Variants in LCE4A observed in about 807,000 individuals in gnomAD.
LCE4A encodes late cornified envelope protein 4A.
For missense variants in LCE4A, 110 were observed against 111.3 expected (o/e 0.99, Z 0.05); for synonymous variants, 41 against 42.3 (o/e 0.97, Z 0.12).
At chr1:152,709,014 T>G in intron 1 of LCE4A, 41 bp from the exon 2 acceptor site, 53 of 1,284,262 alleles carry the variant, frequency 4.1e-5, no homozygotes, top group Non-Finnish European at 5.4e-5. Context: ...TAATGGCTCT[T>G]GATATTAAGT....
rs10888510 is a variant in LCE4A at position 152,709,359 on chromosome 1, G to T, written c.284G>T (p.Gly95Val). 0.032 allele frequency: 51,285 copies of T among 1,592,160 alleles called. 3,118 individuals carry two copies. Among genetic ancestry groups the T allele is most frequent in the African/African-American group, 0.24 (17,614 of 74,544 alleles). Residue 95 changes from glycine (G) to valine (V), a missense_variant, in exon 2 of 2, where the codon GGA becomes GTA. Coordinates refer to ENST00000368777, the MANE Select transcript of LCE4A (RefSeq NM_001387222.1). ...QQSGGSGCCS[G>V]GGCC ...TCTGGGGGTTCTGGCTGCTGCTCTGGAGGGGGCTGTTGCTGACCTGGACCA... is the reference window on the plus strand; with the variant it reads ...TCTGGGGGTTCTGGCTGCTGCTCTGTAGGGGGCTGTTGCTGACCTGGACCA...
rs1351100049 is a variant in LCE4A, at chr1:152,709,285, C to T, written c.210C>T (p.Cys70=). 1 of 1,614,116 alleles carries T rather than the reference C, an allele frequency of 6.2e-7. No homozygotes were observed. The highest frequency in any genetic ancestry group is 8.5e-7 in the Non-Finnish European group (1 of 1,179,996). The change falls in exon 2 of 2, where the codon TGC becomes TGT. Residue 70 remains cysteine (C), a synonymous_variant. Transcript: ENST00000368777. ...ACCACAGACACCATAGGTCCCACTG[C>T]CACAGACCCAAGAGCTCCAATTGCT... is the stretch of plus-strand genomic sequence containing the variant. The part of the protein sequence containing the change: ...LSHHRHHRSH[C]HRPKSSNCYG...
chr1:152,709,010 C>A, intron 1 of LCE4A, 45 bp from the exon 2 acceptor site: 5 of 1,239,190 alleles, frequency 4.0e-6, no homozygotes, highest in Non-Finnish European at 5.7e-6. Flanking sequence ...AATGTAATGG[C>A]TCTTGATATT....
chr1:152,709,130 C>A lies in LCE4A; in HGVS notation c.55C>A (p.Pro19Thr), dbSNP rs781282551. 1 of 1,613,806 alleles carries A rather than the reference C, an allele frequency of 6.2e-7. No individual in the cohort carries two copies. Among genetic ancestry groups the A allele is most frequent in the East Asian group, 2.2e-5 (1 of 44,870 alleles). The change falls in exon 2 of 2, where the codon CCC (proline) becomes ACC (threonine). Residue 19 changes from proline to threonine, a missense_variant. Physicochemically the swap from Pro to Thr is conservative, Grantham distance 38. Coordinates refer to ENST00000368777, the MANE Select transcript of LCE4A (RefSeq NM_001387222.1). ...QCQPPPKCPIPKYPPKCPSKC... is the reference protein window; with the variant it reads ...QCQPPPKCPITKYPPKCPSKC... ...CCAGCCCCCTCCCAAGTGTCCTATC[C>A]CCAAGTATCCCCCAAAATGTCCCTC...
At position 152,709,134 on chromosome 1, in the gene LCE4A, A is replaced by G. The variant is rs773952427; in HGVS notation, c.59A>G (p.Lys20Arg). The G allele has an allele frequency of 3.1e-6, 5 of 1,613,724 alleles. No homozygotes were observed. The Admixed American group carries it at 5.0e-5, about 16-fold the overall frequency. ...CQPPPKCPIP[K>R]YPPKCPSKCA... ...CCCCCTCCCAAGTGTCCTATCCCCAAGTATCCCCCAAAATGTCCCTCAAAG... is the reference window on the plus strand; with the variant it reads ...CCCCCTCCCAAGTGTCCTATCCCCAGGTATCCCCCAAAATGTCCCTCAAAG... Residue 20 changes from lysine (K) to arginine (R), a missense_variant, in exon 2 of 2, where the codon AAG becomes AGG. By Grantham distance (26) the Lys-to-Arg change is conservative. Coordinates refer to ENST00000368777, the MANE Select transcript of LCE4A (RefSeq NM_001387222.1).
In LCE4A at chr1:152,709,223, T is replaced by G; in HGVS notation, c.148T>G (p.Cys50Gly). 4 of 372,286 alleles carry G rather than the reference T, an allele frequency of 1.1e-5. No homozygotes were observed. Among genetic ancestry groups the G allele is most frequent in the Non-Finnish European group, 1.5e-5 (4 of 273,728 alleles). The allele number at this position is 372,286 out of a possible 1,614,324, so 23.1% of individuals were successfully genotyped here. Reference sequence around the variant, plus strand: ...TGGCTCCAGCTCTGGGGGCTGTGGTTGCTGCAGCTCTGAGGGAGGTGGCTG... The same window carrying G: ...TGGCTCCAGCTCTGGGGGCTGTGGTGGCTGCAGCTCTGAGGGAGGTGGCTG... ...CCGSSSGGCG[C>G]CSSEGGGCCL... The change falls in exon 2 of 2, where the codon TGC becomes GGC. Residue 50 changes from cysteine (C) to glycine (G), a missense_variant. By Grantham distance (159) the Cys-to-Gly change is radical. Transcript: ENST00000368777.
rs1553195940 is a variant in LCE4A at position 152,709,204 on chromosome 1, C to CAGCTCTGGGGTCTGCTGT, written c.139_140insTCTGCTGTAGCTCTGGGG (p.Gly46_Gly47insValCysCysSerSerGly). 8.1e-6 allele frequency: 13 copies of CAGCTCTGGGGTCTGCTGT among 1,602,926 alleles called. No homozygotes were observed. In the African/African-American group the frequency reaches 1.7e-4, roughly 21 times the overall value. On this transcript the variant is annotated inframe_insertion, in exon 2 of 2. Coordinates refer to ENST00000368777, the MANE Select transcript of LCE4A (RefSeq NM_001387222.1). ...CTCCAATCTCTTCCTGCTGTGGCTC[C>CAGCTCTGGGGTCTGCTGT]AGCTCTGGGGGCTGTGGTTGCTGCA...
intron 1 of LCE4A, among the ~76,000 whole-genome samples, chr1:152,708,607 G>A (rs1334352847): frequency 1.3e-5 from 2 of 152,210 alleles, no homozygotes; most frequent in Admixed American, 6.5e-5. Context: ...GATGATGAAT[G>A]ACCTGGGATT....
In LCE4A at chr1:152,709,341, G is replaced by C; in HGVS notation, c.266G>C (p.Gly89Ala). The change falls in exon 2 of 2, where the codon GGT becomes GCT. Residue 89 changes from glycine to alanine, a missense_variant. Coordinates refer to ENST00000368777, the MANE Select transcript of LCE4A (RefSeq NM_001387222.1). Reference sequence around the variant, plus strand: ...AGTGGCAGTGGCCAGCAGTCTGGGGGTTCTGGCTGCTGCTCTGGAGGGGGC... The same window carrying C: ...AGTGGCAGTGGCCAGCAGTCTGGGGCTTCTGGCTGCTGCTCTGGAGGGGGC... ...YGSGSGQQSG[G>A]SGCCSGGGCC 6.2e-7 allele frequency: 1 copy of C among 1,604,656 alleles called. No homozygotes were observed. The highest frequency in any genetic ancestry group is 1.3e-5 in the African/African-American group (1 of 74,904).
At position 152,709,270 on chromosome 1, in the gene LCE4A, C is replaced by G; in HGVS notation, c.195C>G (p.His65Gln). ...GGGCCLSHHRHHRSHCHRPKS... is the reference protein window; with the variant it reads ...GGGCCLSHHRQHRSHCHRPKS... ...GCTGCTGCCTGAGCCACCACAGACACCATAGGTCCCACTGCCACAGACCCA... is the reference window on the plus strand; with the variant it reads ...GCTGCTGCCTGAGCCACCACAGACAGCATAGGTCCCACTGCCACAGACCCA... The change falls in exon 2 of 2, where the codon CAC (histidine) becomes CAG (glutamine). Residue 65 changes from histidine (H) to glutamine (Q), a missense_variant. Physicochemically the swap from His to Gln is conservative, Grantham distance 24 (BLOSUM62 0). Coordinates refer to ENST00000368777, the MANE Select transcript of LCE4A (RefSeq NM_001387222.1). The G allele has an allele frequency of 1.2e-6, 2 of 1,614,194 alleles. No individual in the cohort carries two copies. Among genetic ancestry groups the G allele is most frequent in the Middle Eastern group, 1.6e-4 (1 of 6,062 alleles).
At position 152,709,215 on chromosome 1, in the gene LCE4A, G is replaced by GCTGCTGTAGCTCTGGGGC. The variant is rs771640658; in HGVS notation, c.143_144insCTGTAGCTCTGGGGCCTG (p.Cys48_Gly49insCysSerSerGlyAlaCys). On this transcript the variant is annotated inframe_insertion, in exon 2 of 2. Transcript: ENST00000368777. ...TCCTGCTGTGGCTCCAGCTCTGGGGGCTGTGGTTGCTGCAGCTCTGAGGGA... is the reference window on the plus strand; with the variant it reads ...TCCTGCTGTGGCTCCAGCTCTGGGGGCTGCTGTAGCTCTGGGGCCTGTGGTTGCTGCAGCTCTGAGGGA... 6.2e-7 allele frequency: 1 copy of GCTGCTGTAGCTCTGGGGC among 1,613,926 alleles called. No homozygotes were observed. The highest frequency in any genetic ancestry group is 1.3e-5 in the African/African-American group (1 of 74,884).
At chr1:152,708,508 G>T in intron 1 of LCE4A, 114 bp downstream of exon 1, 1 of 152,664 alleles carries the variant, frequency 6.6e-6, no homozygotes, top group Non-Finnish European at 1.5e-5. Flanking sequence ...ATGACATGGT[G>T]GACAAGGCCA....
chr1:152,708,748 A>G (rs538646495), intron 1 of LCE4A, among the ~76,000 whole-genome samples: 9 of 152,254 alleles, frequency 5.9e-5, no homozygotes, highest in Admixed American at 3.3e-4. Context: ...TCTGAATTCC[A>G]TTTCTAGATA....
rs1447004690 is a variant in LCE4A, at chr1:152,709,109, C to A, written c.34C>A (p.Pro12Thr). The A allele has an allele frequency of 6.2e-7, 1 of 1,613,156 alleles. No individual in the cohort carries two copies. The highest frequency in any genetic ancestry group is 8.5e-7 in the Non-Finnish European group (1 of 1,179,496). Residue 12 changes from proline to threonine, a missense_variant, in exon 2 of 2, where the codon CCC becomes ACC. By Grantham distance (38) the Pro-to-Thr change is conservative. Transcript: ENST00000368777. ...CCAGCAGAACCAACAGCAGTGCCAG[C>A]CCCCTCCCAAGTGTCCTATCCCCAA... is the stretch of plus-strand genomic sequence containing the variant. ...SCQQNQQQCQ[P>T]PPKCPIPKYP...
chr1:152,709,167 C>A lies in LCE4A; in HGVS notation c.92C>A (p.Ser31Tyr), dbSNP rs758774422. The A allele has an allele frequency of 2.6e-5, 42 of 1,612,696 alleles. No individual in the cohort carries two copies. Among genetic ancestry groups the A allele is most frequent in the Admixed American group, 1.7e-4 (10 of 59,960 alleles). The change falls in exon 2 of 2, where the codon TCC becomes TAC. Residue 31 changes from serine to tyrosine, a missense_variant. Ser to Tyr is a moderately radical substitution (Grantham distance 144, BLOSUM62 -2). Coordinates refer to ENST00000368777, the MANE Select transcript of LCE4A (RefSeq NM_001387222.1). ...CCAAAATGTCCCTCAAAGTGTGCAT[C>A]CTCATGCCCACCTCCAATCTCTTCC... ...YPPKCPSKCA[S>Y]SCPPPISSCC...
Position 152,709,367 on chromosome 1 carries a change from T to A in LCE4A, c.292T>A (p.Cys98Ser). ...TTCTGGCTGCTGCTCTGGAGGGGGC[T>A]GTTGCTGACCTGGACCAGGAGCAGC... Reference protein sequence around the residue: ...GGSGCCSGGGCC With the variant: ...GGSGCCSGGGSC The change falls in exon 2 of 2, where the codon TGT (cysteine) becomes AGT (serine). Residue 98 changes from cysteine to serine, a missense_variant. Coordinates refer to ENST00000368777, the MANE Select transcript of LCE4A (RefSeq NM_001387222.1). 1.3e-6 allele frequency: 2 copies of A among 1,581,422 alleles called. No individual in the cohort carries two copies. The highest frequency in any genetic ancestry group is 2.3e-5 in the South Asian group (2 of 85,616).
At position 152,708,287 on chromosome 1, in the gene LCE4A, C is replaced by T. The variant is rs936959411; in HGVS notation, c.-129C>T. 2 of 152,350 alleles carry T rather than the reference C, an allele frequency of 1.3e-5. No individual in the cohort carries two copies. The highest frequency in any genetic ancestry group is 2.4e-5 in the African/African-American group (1 of 41,470). 9.4% of individuals were successfully genotyped at this position (152,350 alleles called of 1,614,324 possible). A position where few individuals can be genotyped will look rare whatever the true frequency, so the allele number is the denominator to read the frequency against. On this transcript the variant is annotated 5_prime_UTR_variant, in exon 1 of 2. Transcript: ENST00000368777. ...CGTCCTGCTCCTGCCATTAGCATGG[C>T]TCATCCGAGGCCCAGCCCCAGGATC... is the stretch of plus-strand genomic sequence containing the variant.
Position 152,709,151 on chromosome 1 carries a change from C to A in LCE4A, c.76C>A (p.Pro26Thr). 1 of 1,613,938 alleles carries A rather than the reference C, an allele frequency of 6.2e-7. No individual in the cohort carries two copies. Among genetic ancestry groups the A allele is most frequent in the Non-Finnish European group, 8.5e-7 (1 of 1,179,934 alleles). ...TATCCCCAAGTATCCCCCAAAATGT[C>A]CCTCAAAGTGTGCATCCTCATGCCC... is the stretch of plus-strand genomic sequence containing the variant. ...CPIPKYPPKC[P>T]SKCASSCPPP... The change falls in exon 2 of 2, where the codon CCC becomes ACC. Residue 26 changes from proline (P) to threonine (T), a missense_variant. By Grantham distance (38) the Pro-to-Thr change is conservative (BLOSUM62 -1). Transcript: ENST00000368777.
rs1211318554 is a variant in LCE4A at position 152,709,311 on chromosome 1, A to ATGGCAG, written c.247_252dup (p.Ser83_Gly84dup). 5.6e-6 allele frequency: 9 copies of ATGGCAG among 1,612,984 alleles called. No homozygotes were observed. Among genetic ancestry groups the ATGGCAG allele is most frequent in the African/African-American group, 1.3e-5 (1 of 74,920 alleles). On this transcript the variant is annotated inframe_insertion, in exon 2 of 2. Coordinates refer to ENST00000368777, the MANE Select transcript of LCE4A (RefSeq NM_001387222.1). ...CACAGACCCAAGAGCTCCAATTGCT[A>ATGGCAG]TGGCAGTGGCAGTGGCCAGCAGTCT...
Sources: gnomAD v4.1 joint callset for allele counts (sites outside exome capture counted in the v4.1 genomes callset) on GRCh38, gnomAD v4.1.1 for gene constraint, MANE v1.5 for transcripts, NCBI Gene and HGNC (gene_info 2026-07-23, HGNC 2026-07-21) for gene names.